The following CLVS1 variants were observed in gnomAD, a reference collection of about 807,000 sequenced individuals.
CLVS1 encodes the protein clavesin 1, also known as clavesin-1.
In CLVS1, 10 loss-of-function variants were observed where a neutral mutation model predicts 33.1. That is an observed-to-expected ratio of 0.30 (90% confidence interval 0.19 to 0.51). The LOEUF (loss-of-function observed/expected upper bound fraction) is 0.51, where lower values mean the gene tolerates loss of function less well. Among genes scored for constraint, CLVS1 ranks in the 20% least tolerant of loss-of-function variants. The probability of loss-of-function intolerance (pLI) is 0.97; values close to 1 mark genes in which losing one functional copy is unlikely to be tolerated. For missense variants in CLVS1, 343 were observed against 433.4 expected, an observed-to-expected ratio of 0.79 and a Z score of 1.85; for synonymous variants, 163 against 166.1, an observed-to-expected ratio of 0.98 and a Z score of 0.14.
intron 2 of CLVS1, among the ~76,000 whole-genome samples, chr8:61,191,012 T>C (rs938368344): frequency 1.3e-5 from 2 of 152,180 alleles, no homozygotes; most frequent in African/African-American, 4.8e-5. Flanking sequence ...GAATCCTCCC[T>C]AACTCATTTT....
At chr8:61,434,680 T>A (rs1238627350) in intron 3 of CLVS1, among the ~76,000 whole-genome samples, 1 of 152,186 alleles carries the variant, frequency 6.6e-6, no homozygotes, top group Non-Finnish European at 1.5e-5. Context: ...CTGAGATTAA[T>A]GGAAAGGAAT....
At chr8:61,010,795 C>G in the CLVS1 span, among the ~76,000 whole-genome samples, 1 of 152,252 alleles carries the variant, frequency 6.6e-6, no homozygotes, top group Non-Finnish European at 1.5e-5. Flanking sequence ...TACTCTCTGG[C>G]ACAATCCTCT....
the CLVS1 span, among the ~76,000 whole-genome samples, chr8:60,979,528 G>A: frequency 6.6e-6 from 1 of 152,210 alleles, no homozygotes; most frequent in African/African-American, 2.4e-5. Context: ...CCCGGTATCT[G>A]CTTTGAGTCT....
intron 2 of CLVS1, among the ~76,000 whole-genome samples, chr8:61,262,359 C>G (rs539211721): frequency 2.6e-5 from 4 of 152,148 alleles, no homozygotes; most frequent in Admixed American, 2.6e-4. Context: ...GCTTGTCTCT[C>G]CAATAGAACA....
intron 2 of CLVS1, among the ~76,000 whole-genome samples, chr8:61,309,974 T>C (rs565097986): frequency 1.2e-4 from 18 of 152,150 alleles, no homozygotes; most frequent in Non-Finnish European, 2.5e-4. Flanking sequence ...TTGTCCTCAG[T>C]TATAAGAACT....
chr8:61,015,602 G>A, the CLVS1 span, among the ~76,000 whole-genome samples: 3 of 152,168 alleles, frequency 2.0e-5, no homozygotes, highest in Non-Finnish European at 4.4e-5. Flanking sequence ...TTAGATTTCT[G>A]GAAGAGCTTC....
intron 2 of CLVS1, among the ~76,000 whole-genome samples, chr8:61,180,564 G>A (rs758428348): frequency 3.3e-5 from 5 of 152,154 alleles, no homozygotes; most frequent in Non-Finnish European, 5.9e-5. Flanking sequence ...CAATATCCTT[G>A]ATGAACATCA....
chr8:61,422,124 T>A (rs1815702308), intron 3 of CLVS1, among the ~76,000 whole-genome samples: 1 of 151,986 alleles, frequency 6.6e-6, no homozygotes, highest in South Asian at 2.1e-4. Flanking sequence ...ACATTTTTTC[T>A]CCAGTTTTAA....
intron 2 of CLVS1, among the ~76,000 whole-genome samples, chr8:61,259,720 C>A (rs1809158365): frequency 1.3e-5 from 2 of 152,348 alleles, no homozygotes; most frequent in South Asian, 4.1e-4. Flanking sequence ...AATTTGAAAA[C>A]TGGTGCTGGT....
In CLVS1 at chr8:61,122,882, G is replaced by A. The variant is rs575043668; in HGVS notation, c.-242-8888G>A. On this transcript the variant is annotated intron_variant, in intron 1 of 2. Coordinates refer to the CLVS1 transcript ENST00000522621. ...AAGTACAGAAAATGTGATTTTCTGC[G>A]TTCACTCTTAATGTTCGTGGTTTCT... is the stretch of plus-strand genomic sequence containing the variant. 7.6e-5 allele frequency among the ~76,000 whole-genome samples: 8 copies of A among 105,872 alleles called. 2 individuals carry two copies. Among genetic ancestry groups the A allele is most frequent in the South Asian group, 6.1e-4 (2 of 3,276 alleles). 69.5% of individuals were successfully genotyped at this position (105,872 alleles called of 152,430 possible).
the CLVS1 span, among the ~76,000 whole-genome samples, chr8:61,038,619 T>G: frequency 6.6e-6 from 1 of 152,102 alleles, no homozygotes; most frequent in African/African-American, 2.4e-5. Context: ...CCAACACAAA[T>G]AGCAAACTAC....
At chr8:61,441,351 G>A (rs753780252) in intron 3 of CLVS1, among the ~76,000 whole-genome samples, 22 of 152,280 alleles carry the variant, frequency 1.4e-4, no homozygotes, top group Middle Eastern at 3.4e-3. Flanking sequence ...CAAAGTCAGC[G>A]CCTGTGTCAT....
chr8:61,343,281 G>A (rs1343955097), intron 2 of CLVS1, among the ~76,000 whole-genome samples: 1 of 152,188 alleles, frequency 6.6e-6, no homozygotes, highest in Non-Finnish European at 1.5e-5. Context: ...ATGTTTATTG[G>A]CTGAAGTTCT....
At chr8:61,366,194 A>C (rs1203037450) in intron 2 of CLVS1, among the ~76,000 whole-genome samples, 4 of 152,056 alleles carry the variant, frequency 2.6e-5, no homozygotes. Context: ...TGCAATCTCT[A>C]TCCAGAGAGC....
chr8:61,058,274 G>A lies in CLVS1; in HGVS notation c.-243+1044G>A, dbSNP rs1012305323. 8.5e-5 allele frequency among the ~76,000 whole-genome samples: 13 copies of A among 152,184 alleles called. 1 individual carries two copies. Among genetic ancestry groups the A allele is most frequent in the Admixed American group, 2.6e-4 (4 of 15,282 alleles). ...GATGGGATTGTGCAGGACAGGATGT[G>A]TTTACTGCATGGATCAAGACCAGAG... On this transcript the variant is annotated intron_variant, in intron 1 of 2. Transcript: ENST00000522621.
chr8:61,156,149 G>A (rs1806642819), intron 2 of CLVS1, among the ~76,000 whole-genome samples: 1 of 145,806 alleles, frequency 6.9e-6, no homozygotes, highest in Admixed American at 6.9e-5. Context: ...GGAAGGTGGA[G>A]GTTGCAGTAA....
intron 2 of CLVS1, among the ~76,000 whole-genome samples, chr8:61,230,132 G>A (rs950863044): frequency 1.4e-4 from 21 of 152,196 alleles, no homozygotes; most frequent in African/African-American, 5.1e-4. Flanking sequence ...AAGTGAGAGG[G>A]AGGAATAAAC....
chr8:61,099,071 T>C (rs1249321127), intron 1 of CLVS1, among the ~76,000 whole-genome samples: 4 of 152,136 alleles, frequency 2.6e-5, no homozygotes, highest in Non-Finnish European at 4.4e-5. Flanking sequence ...CAAGCAGAAA[T>C]GAAACTTGAA....
At chr8:60,991,325 C>T in the CLVS1 span, among the ~76,000 whole-genome samples, 1 of 152,042 alleles carries the variant, frequency 6.6e-6, no homozygotes, top group Non-Finnish European at 1.5e-5. Context: ...GCAGAAAGGG[C>T]ACATGTAAAA....
Sources: allele counts gnomAD v4.1 joint callset (sites outside exome capture counted in the v4.1 genomes callset), GRCh38; gene constraint gnomAD v4.1.1; transcripts MANE v1.5; gene names NCBI Gene and HGNC (gene_info 2026-07-23, HGNC 2026-07-21).